Variants in MAX observed in about 807,000 individuals in gnomAD.
MAX encodes protein max.
A neutral mutation model predicts 22.3 loss-of-function variants in MAX; 3 were observed. The observed-to-expected ratio is 0.13, with a 90% CI of 0.06 to 0.35. The LOEUF (loss-of-function observed/expected upper bound fraction) is 0.35. Ranked by LOEUF, MAX falls within the 10% of genes least tolerant of loss-of-function variation. The pLI, the probability that MAX is intolerant of heterozygous loss-of-function variation, is 1.00. For missense variants in MAX, 119 were observed against 209.4 expected (o/e 0.57, Z 2.66); for synonymous variants, 72 against 77.7 (o/e 0.93, Z 0.39).
rs1027978618 is a variant in MAX, at chr14:65,032,420, G to A, written c.172-26136C>T. 2.0e-6 allele frequency: 1 copy of A among 507,806 alleles called. No individual in the cohort carries two copies. The highest frequency in any genetic ancestry group is 2.0e-5 in the African/African-American group (1 of 50,432). The allele number at this position is 507,806 out of a possible 1,614,324, so 31.5% of individuals were successfully genotyped here. On this transcript the variant is annotated intron_variant, in intron 3 of 3. Coordinates refer to the MAX transcript ENST00000341653. The surrounding 1 kb of genome is among the most constrained non-coding windows in gnomAD (Gnocchi z 5.0). ...TGTTCTTTCACTGAAGCCATGCCGT[G>A]AGCAACTCTATCCAAATAGAATGTC...
rs541762412 is a variant in MAX, at chr14:65,100,279, G to A, written c.63+1267C>T. ...AGCCTGGCCAACATGGTGAAACCCC[G>A]TCTCTACTAAAAATACAAAAATTAG... On this transcript the variant is annotated intron_variant, in intron 2 of 4. Transcript: ENST00000358664. 6.5e-4 allele frequency among the ~76,000 whole-genome samples: 99 copies of A among 151,988 alleles called. 1 individual carries two copies. The South Asian group carries it at 8.5e-3, about 13-fold the overall frequency.
intron 3 of MAX, among the ~76,000 whole-genome samples, chr14:65,045,740 A>G (rs958999781): frequency 6.6e-6 from 1 of 151,782 alleles, no homozygotes; most frequent in South Asian, 2.1e-4. Context: ...TTAGTTTCTT[A>G]ATTTCCTTTG....
intron 3 of MAX, chr14:65,016,378 G>A (rs1359899753): frequency 6.6e-6 from 1 of 152,214 alleles, no homozygotes; most frequent in Admixed American, 6.5e-5. Flanking sequence ...TCCAGTCCTA[G>A]GGATACCTGG....
intron 3 of MAX, among the ~76,000 whole-genome samples, chr14:65,055,696 T>C (rs4902356): frequency 0.076 from 11,593 of 151,988 alleles, 603 homozygotes; most frequent in East Asian, 0.27. Flanking sequence ...TTTGTATTTT[T>C]AGTAGAGACA....
chr14:65,078,311 C>T lies in MAX; in HGVS notation c.172-275G>A. ...CCGCCTCCTGGGTTCAAGTGATTCTCCTGCCTCAGCCTCCTGAGTAGCTAG... is the reference window on the plus strand; with the variant it reads ...CCGCCTCCTGGGTTCAAGTGATTCTTCTGCCTCAGCCTCCTGAGTAGCTAG... On this transcript the variant is annotated intron_variant, in intron 3 of 4. Coordinates refer to ENST00000358664, the MANE Select transcript of MAX (RefSeq NM_002382.5). This position sits in a 1 kb window ranked among gnomAD's most constrained non-coding sequence, Gnocchi z 6.4. 6.6e-6 allele frequency among the ~76,000 whole-genome samples: 1 copy of T among 151,940 alleles called. No individual in the cohort carries two copies. Among genetic ancestry groups the T allele is most frequent in the African/African-American group, 2.4e-5 (1 of 41,358 alleles).
At position 65,032,644 on chromosome 14, in the gene MAX, A is replaced by G; in HGVS notation, c.172-26360T>C. The stretch of plus-strand genomic sequence containing the variant: ...CTGTGCTGCCTCCGTAGCCTCGCTG[A>G]CCAACATCATCACTCCAGACCTCTT... On this transcript the variant is annotated intron_variant, in intron 3 of 3. Coordinates refer to the MAX transcript ENST00000341653. This position sits in a 1 kb window ranked among gnomAD's most constrained non-coding sequence, Gnocchi z 5.0. The G allele has an allele frequency of 6.2e-7, 1 of 1,614,012 alleles. No individual in the cohort carries two copies.
chr14:65,038,041 A>G (rs2062253547), intron 3 of MAX, among the ~76,000 whole-genome samples: 1 of 152,096 alleles, frequency 6.6e-6, no homozygotes, highest in Admixed American at 6.5e-5. Context: ...CTGGGATTAC[A>G]GGCATGAGCC....
chr14:65,025,794 C>T (rs1048536238), intron 3 of MAX, among the ~76,000 whole-genome samples: 14 of 152,050 alleles, frequency 9.2e-5, no homozygotes, highest in South Asian at 2.1e-4. Context: ...GCAGCCTGGC[C>T]GACAGAGTAA....
intron 3 of MAX, among the ~76,000 whole-genome samples, chr14:65,018,286 C>T (rs1347259533): frequency 6.6e-6 from 1 of 152,156 alleles, no homozygotes; most frequent in Non-Finnish European, 1.5e-5. Context: ...GCCATGATGG[C>T]ACCACTGCAT....
Position 65,012,453 on chromosome 14 carries a change from T to TTGAG in MAX, c.172-6170_172-6169insCTCA. The TTGAG allele has an allele frequency of 6.2e-7, 1 of 1,603,506 alleles. No homozygotes were observed. Among genetic ancestry groups the TTGAG allele is most frequent in the Non-Finnish European group, 8.5e-7 (1 of 1,172,398 alleles). ...CCACCAAATCCTCCTCCTTTTTCTA[T>TTGAG]TTAAACGTAAAAGACTGTTGGGGCT... On this transcript the variant is annotated intron_variant, in intron 3 of 3. Transcript: ENST00000341653. The surrounding 1 kb of genome is among the most constrained non-coding windows in gnomAD (Gnocchi z 5.0).
At chr14:65,060,568 C>T (rs1181004668) in intron 3 of MAX, among the ~76,000 whole-genome samples, 6 of 125,796 alleles carry the variant, frequency 4.8e-5, no homozygotes, top group African/African-American at 9.0e-5. Flanking sequence ...TAGTGGCGGG[C>T]GCCTGTAGTC....
chr14:65,054,770 T>C lies in MAX; in HGVS notation c.171+38938A>G. The C allele has an allele frequency of 6.9e-7, 1 of 1,447,434 alleles. No homozygotes were observed. Among genetic ancestry groups the C allele is most frequent in the South Asian group, 1.2e-5 (1 of 80,888 alleles). The allele number at this position is 1,447,434 out of a possible 1,614,324, so 89.7% of individuals were successfully genotyped here. On this transcript the variant is annotated intron_variant, in intron 3 of 3. Coordinates refer to the MAX transcript ENST00000341653. The surrounding 1 kb of genome is among the most constrained non-coding windows in gnomAD (Gnocchi z 4.4). Reference sequence around the variant, plus strand: ...GGCTTTCCAAGTAAGCAGAACTGGCTCTGCATTTCCTGTGTGGACAGGCGG... The same window carrying C: ...GGCTTTCCAAGTAAGCAGAACTGGCCCTGCATTTCCTGTGTGGACAGGCGG...
At chr14:65,006,281 T>C (rs1282847554) in exon 4 of MAX, 1 of 1,613,774 alleles carries the variant, frequency 6.2e-7, no homozygotes, top group South Asian at 1.1e-5. Context: ...TTCATCTTTG[T>C]TCCCTGGGGA....
intron 2 of MAX, among the ~76,000 whole-genome samples, chr14:65,096,763 G>A (rs914073223): frequency 1.3e-5 from 2 of 152,158 alleles, no homozygotes; most frequent in Admixed American, 6.5e-5. Context: ...CTACTCAGAT[G>A]AGCCTGTACT....
intron 3 of MAX, among the ~76,000 whole-genome samples, chr14:65,018,306 G>C (rs935925964): frequency 1.3e-5 from 2 of 152,100 alleles, no homozygotes; most frequent in African/African-American, 4.8e-5. Flanking sequence ...TTCCAGCCTG[G>C]GCAACAGAGC....
Position 65,077,353 on chromosome 14 carries a change from T to G in MAX, c.295+560A>C. On this transcript the variant is annotated intron_variant, in intron 4 of 4. Transcript: ENST00000358664. The surrounding 1 kb of genome is among the most constrained non-coding windows in gnomAD (Gnocchi z 6.3). ...CCAGGTGGTTACTTGCATTTCCTTT[T>G]ACTTGCATCTTCCATGAGGGAGGAA... is the stretch of plus-strand genomic sequence containing the variant. 1.2e-6 allele frequency: 2 copies of G among 1,612,472 alleles called. No individual in the cohort carries two copies. Among genetic ancestry groups the G allele is most frequent in the Non-Finnish European group, 1.7e-6 (2 of 1,178,440 alleles).
At chr14:65,053,785 T>G (rs549876582) in intron 3 of MAX, among the ~76,000 whole-genome samples, 1 of 152,154 alleles carries the variant, frequency 6.6e-6, no homozygotes, top group South Asian at 2.1e-4. Context: ...AAAAGGGAAA[T>G]AAAATAAGTC....
chr14:65,095,776 G>A (rs1384979161), intron 2 of MAX, among the ~76,000 whole-genome samples: 3 of 152,136 alleles, frequency 2.0e-5, no homozygotes, highest in African/African-American at 7.2e-5. Flanking sequence ...TCCCAGCTAA[G>A]AGCTGTGCAC....
chr14:65,102,532 A>G (rs1161010145), upstream of MAX: 24 of 1,449,618 alleles, frequency 1.7e-5, no homozygotes, highest in Non-Finnish European at 2.2e-5. Flanking sequence ...CACCGGATCA[A>G]CGGCGGCACG....
Sources: allele counts gnomAD v4.1 joint callset (sites outside exome capture counted in the v4.1 genomes callset), GRCh38; gene constraint gnomAD v4.1.1; non-coding constraint Gnocchi (gnomAD v3.1); transcripts MANE v1.5; gene names NCBI Gene and HGNC (gene_info 2026-07-23, HGNC 2026-07-21).